Variants in STX10 observed in about 807,000 individuals in gnomAD.
STX10 encodes the protein syntaxin-10.
STX10 carries 35 observed loss-of-function variants against 34.1 expected under a neutral mutation model. The ratio of observed to expected loss-of-function variants is 1.03; its 90% CI spans 0.78 to 1.36. The LOEUF is 1.36. Among genes scored for constraint, STX10 ranks in the 40% most tolerant of loss-of-function variants. The pLI is 0.00. For missense variants in STX10, 361 were observed against 335.5 expected, an observed-to-expected ratio of 1.08 and a Z score of -0.59; for synonymous variants, 155 against 132.9, an observed-to-expected ratio of 1.17 and a Z score of -1.15.
At chr19:13,144,924 C>A (rs557599062) in intron 5 of STX10, 54 bp from the exon 6 acceptor site, 7 of 1,508,808 alleles carry the variant, frequency 4.6e-6, no homozygotes, top group Non-Finnish European at 6.3e-6. Context: ...GAAGGCCAGG[C>A]GCTATGGCTT....
intron 4 of STX10, among the ~76,000 whole-genome samples, chr19:13,147,893 CAAAAAAAAAA>C (rs1159793123): frequency 1.8e-5 from 1 of 54,624 alleles, no homozygotes; most frequent in African/African-American, 8.0e-5. Context: ...CACTCCGTCT[CAAAAAAAAAA>C]AAAAAAAAAA....
At chr19:13,149,368 C>T in intron 3 of STX10, 131 bp downstream of exon 3, 1 of 792,646 alleles carries the variant, frequency 1.3e-6, no homozygotes, top group African/African-American at 2.0e-5. Flanking sequence ...GCCGAGATTG[C>T]AACACTGTAC....
intron 3 of STX10, 74 bp from the exon 4 acceptor site, chr19:13,149,165 A>G (rs1267273488): frequency 1.5e-6 from 2 of 1,323,138 alleles, no homozygotes; most frequent in Non-Finnish European, 2.1e-6. Flanking sequence ...TAATCCTAGC[A>G]CTTTGAGAGA....
intron 4 of STX10, among the ~76,000 whole-genome samples, chr19:13,146,111 C>T (rs1440691533): frequency 6.7e-6 from 1 of 150,140 alleles, no homozygotes; most frequent in African/African-American, 2.4e-5. Flanking sequence ...GCAGCAGAAT[C>T]GCTTGAACCT....
rs200363723 is a variant in STX10, at chr19:13,149,905, C to A, written c.36-8G>T. The A allele has an allele frequency of 1.1e-3, 1,801 of 1,572,540 alleles. 14 individuals are homozygous for A. The African/African-American group carries it at 0.019, about 17-fold the overall frequency. On this transcript the variant is annotated splice_polypyrimidine_tract_variant and splice_region_variant and intron_variant, in intron 1 of 7. Coordinates refer to ENST00000587230, the MANE Select transcript of STX10 (RefSeq NM_003765.3). Reference sequence around the variant, plus strand: ...ACCGCCTTCTGCACCTCGCTGCGGGCAGGGGCACGGCGGGCGCGGCTGGGG... The same window carrying A: ...ACCGCCTTCTGCACCTCGCTGCGGGAAGGGGCACGGCGGGCGCGGCTGGGG...
intron 4 of STX10, among the ~76,000 whole-genome samples, chr19:13,147,282 T>C (rs1303724452): frequency 6.6e-6 from 1 of 151,984 alleles, no homozygotes; most frequent in African/African-American, 2.4e-5. Flanking sequence ...CTGGCCAACA[T>C]GGGGAAACCC....
Position 13,144,455 on chromosome 19 carries a change from T to G in STX10, c.705A>C (p.Leu235=). The change falls in exon 8 of 8, where the codon CTA becomes CTC. Residue 235 remains leucine, a synonymous_variant. Transcript: ENST00000587230. ...DRRQWCAIAV[L]VGVLLLVLIL... ...TGAGAACGAGGAGAAGCACCCCCAC[T>G]AGCACGGCGATGGCACACCACTGTC... 6.2e-7 allele frequency: 1 copy of G among 1,612,982 alleles called. No individual in the cohort carries two copies. The highest frequency in any genetic ancestry group is 8.5e-7 in the Non-Finnish European group (1 of 1,179,712).
At position 13,149,585 on chromosome 19, in the gene STX10, C is replaced by CCACT; in HGVS notation, c.210_213dup (p.Glu72SerfsTer49). On this transcript the variant is annotated frameshift_variant, in exon 3 of 8. Coordinates refer to ENST00000587230, the MANE Select transcript of STX10 (RefSeq NM_003765.3). LOFTEE classifies it high-confidence loss of function. ...AGCTTGAACTTGCCTGGGTTGGCTTCCACTATACGTGGGCTGAGAGTCAAG... is the reference window on the plus strand; with the variant it reads ...AGCTTGAACTTGCCTGGGTTGGCTTCCACTCACTATACGTGGGCTGAGAGTCAAG... 12 of 1,614,120 alleles carry CCACT rather than the reference C, an allele frequency of 7.4e-6. No homozygotes were observed. Among genetic ancestry groups the CCACT allele is most frequent in the Non-Finnish European group, 1.0e-5 (12 of 1,180,022 alleles).
At chr19:13,149,624 G>A in intron 2 of STX10, 31 bp from the exon 3 acceptor site, 2 of 1,613,512 alleles carry the variant, frequency 1.2e-6, no homozygotes, top group Non-Finnish European at 1.7e-6. Context: ...CAAGGCCGGA[G>A]CCAGATATCA....
intron 4 of STX10, among the ~76,000 whole-genome samples, chr19:13,148,799 G>A (rs1462700161): frequency 1.3e-5 from 2 of 152,222 alleles, no homozygotes; most frequent in Non-Finnish European, 2.9e-5. Context: ...CCTGCAACAG[G>A]AAACCAGTAT....
chr19:13,144,475 A>C lies in STX10; in HGVS notation c.685T>G (p.Trp229Gly). The C allele has an allele frequency of 1.2e-6, 2 of 1,613,450 alleles. No homozygotes were observed. Among genetic ancestry groups the C allele is most frequent in the South Asian group, 1.1e-5 (1 of 90,926 alleles). The change falls in exon 8 of 8, where the codon TGG becomes GGG. Residue 229 changes from tryptophan to glycine, a missense_variant. By Grantham distance (184) the Trp-to-Gly change is radical. Coordinates refer to ENST00000587230, the MANE Select transcript of STX10 (RefSeq NM_003765.3). ...VSHMTSDRRQ[W>G]CAIAVLVGVL... The stretch of plus-strand genomic sequence containing the variant: ...CCCACTAGCACGGCGATGGCACACC[A>C]CTGTCGGCGGTCTGGGAACGAGAAG...
Position 13,145,451 on chromosome 19 carries a change from G to A in STX10, c.364-56C>T, listed in dbSNP as rs1323753864. ...GAGACCCCAACTCACAGCGGGGCCT[G>A]TGGGGCAAATCCCCACGGTGGTAAG... On this transcript the variant is annotated intron_variant, in intron 4 of 7. Transcript: ENST00000587230. The A allele has an allele frequency of 2.7e-6, 4 of 1,489,514 alleles. No individual in the cohort carries two copies. The Admixed American group carries it at 7.0e-5, about 26-fold the overall frequency. 92.3% of individuals were successfully genotyped at this position (1,489,514 alleles called of 1,614,324 possible). A position where few individuals can be genotyped will look rare whatever the true frequency, so the allele number is the denominator to read the frequency against.
intron 1 of STX10, 70 bp from the exon 2 acceptor site, chr19:13,149,967 C>A: frequency 6.6e-7 from 1 of 1,512,112 alleles, no homozygotes; most frequent in Non-Finnish European, 8.9e-7. Context: ...CCCCCGACTG[C>A]AAACCCAAAC....
chr19:13,147,697 G>T (rs1389834934), intron 4 of STX10, among the ~76,000 whole-genome samples: 1 of 151,768 alleles, frequency 6.6e-6, no homozygotes, highest in Non-Finnish European at 1.5e-5. Flanking sequence ...AAGAGTTCAA[G>T]ACCAGCCTGG....
chr19:13,146,712 T>G (rs905034113), intron 4 of STX10, among the ~76,000 whole-genome samples: 10 of 151,778 alleles, frequency 6.6e-5, no homozygotes, highest in Admixed American at 1.3e-4. Flanking sequence ...GGCTAATTTT[T>G]GTATTTTTTG....
intron 5 of STX10, 46 bp downstream of exon 5, chr19:13,145,242 C>G (rs1361352562): frequency 1.3e-6 from 2 of 1,563,096 alleles, no homozygotes; most frequent in Non-Finnish European, 1.7e-6. Flanking sequence ...TCAGATCAGT[C>G]TGCAAGGCTC....
At position 13,149,870 on chromosome 19, in the gene STX10, G is replaced by A; in HGVS notation, c.63C>T (p.Ala21=). Residue 21 remains alanine (A), a synonymous_variant, in exon 2 of 8, where the codon GCC becomes GCT. Transcript: ENST00000587230. ...RGEVQKAVNT[A]RGLYQRWCEL... is the part of the protein sequence containing the mutation. ...CGCACCAGCGCTGGTACAGCCCGCG[G>A]GCCGTGTTCACCGCCTTCTGCACCT... 3 of 1,608,710 alleles carry A rather than the reference G, an allele frequency of 1.9e-6. No individual in the cohort carries two copies. Among genetic ancestry groups the A allele is most frequent in the Non-Finnish European group, 2.5e-6 (3 of 1,178,280 alleles).
At chr19:13,147,996 G>A (rs910908193) in intron 4 of STX10, among the ~76,000 whole-genome samples, 8 of 147,582 alleles carry the variant, frequency 5.4e-5, no homozygotes, top group Non-Finnish European at 8.9e-5. Context: ...CCCAGGAGGC[G>A]GAGGTTGCAG....
At chr19:13,149,977 C>T (rs1259281982) in intron 1 of STX10, 80 bp from the exon 2 acceptor site, 3 of 1,502,108 alleles carry the variant, frequency 2.0e-6, no homozygotes, top group Admixed American at 2.2e-5. Flanking sequence ...CAAACCCAAA[C>T]GCATGGGGGA....
Sources: allele counts gnomAD v4.1 joint callset (sites outside exome capture counted in the v4.1 genomes callset), GRCh38; gene constraint gnomAD v4.1.1; transcripts MANE v1.5; gene names NCBI Gene and HGNC (gene_info 2026-07-23, HGNC 2026-07-21).